ASAP2: variants seen among roughly 807,000 people sequenced by gnomAD.
ASAP2 encodes ArfGAP with SH3 domain, ankyrin repeat and PH domain 2.
ASAP2 carries 45 observed loss-of-function variants against 131.4 expected under a neutral mutation model. That is an observed-to-expected ratio of 0.34 (90% CI 0.27 to 0.44). ASAP2 has a LOEUF of 0.44. Ranked by LOEUF, ASAP2 falls within the 20% of genes least tolerant of loss-of-function variation. The pLI is 1.00. For synonymous variants in ASAP2, 510 were observed against 503.0 expected, an observed-to-expected ratio of 1.01 and a Z score of -0.19; for missense variants, 1,011 against 1,297.0, an observed-to-expected ratio of 0.78 and a Z score of 3.39.
intron 3 of ASAP2, among the ~76,000 whole-genome samples, chr2:9,307,682 T>C (rs1669035737): frequency 6.6e-6 from 1 of 152,214 alleles, no homozygotes; most frequent in African/African-American, 2.4e-5. Flanking sequence ...ATCAGAGCTG[T>C]TGACTGCCAG....
Position 9,356,235 on chromosome 2 carries a change from G to A in ASAP2, c.1217G>A (p.Gly406Glu). Residue 406 changes from glycine (G) to glutamate (E), a missense_variant, in exon 14 of 28, where the codon GGG becomes GAG. Physicochemically the swap from Gly to Glu is moderately conservative, Grantham distance 98. Around this residue, in one of 2 missense-constraint regions of ASAP2, gnomAD observed 359 missense variants for 598.1 expected, o/e 0.60. Transcript: ENST00000281419. ...KEEALNNAFK[G>E]DDNTGENNIV... ...GAAGCTTTAAACAATGCATTTAAGG[G>A]GGATGACAATACTGGAGAAAATAAC... 1.9e-6 allele frequency: 3 copies of A among 1,614,088 alleles called. No homozygotes were observed. Among genetic ancestry groups the A allele is most frequent in the Non-Finnish European group, 2.5e-6 (3 of 1,179,988 alleles).
At chr2:9,220,107 A>G (rs1662313112) in intron 1 of ASAP2, among the ~76,000 whole-genome samples, 1 of 152,182 alleles carries the variant, frequency 6.6e-6, no homozygotes, top group African/African-American at 2.4e-5. Context: ...TTCATTCATC[A>G]GTTGATGGAC....
intron 11 of ASAP2, among the ~76,000 whole-genome samples, chr2:9,349,316 A>G (rs1009857999): frequency 6.6e-6 from 1 of 152,186 alleles, no homozygotes; most frequent in Admixed American, 6.5e-5. Context: ...GCACGTGTAC[A>G]GTTGTGTCAT....
At chr2:9,338,751 G>A (rs1292123342) in intron 9 of ASAP2, among the ~76,000 whole-genome samples, 2 of 152,206 alleles carry the variant, frequency 1.3e-5, no homozygotes, top group African/African-American at 2.4e-5. Context: ...AAGCAATTGG[G>A]GTGCAGTGTA....
chr2:9,389,777 C>G lies in ASAP2; in HGVS notation c.2383+1231C>G, dbSNP rs866765178. 1.3e-4 allele frequency among the ~76,000 whole-genome samples: 20 copies of G among 152,290 alleles called. No individual in the cohort carries two copies. The highest frequency in any genetic ancestry group is 4.3e-4 in the African/African-American group (18 of 41,550). On this transcript the variant is annotated intron_variant, in intron 22 of 27. Transcript: ENST00000281419. This position sits in a 1 kb window ranked among gnomAD's most constrained non-coding sequence, Gnocchi z 4.7. ...TCCCCACACAGCCCACATCCCAGAC[C>G]GCGTCCATCCCTGGCTTGATGAGGA...
intron 12 of ASAP2, among the ~76,000 whole-genome samples, chr2:9,355,093 G>C (rs1672610589): frequency 1.3e-5 from 2 of 152,054 alleles, no homozygotes; most frequent in Admixed American, 6.6e-5. Flanking sequence ...AGTAGTCCGT[G>C]GTACATGTTA....
intron 3 of ASAP2, among the ~76,000 whole-genome samples, chr2:9,297,757 ACT>A (rs930041364): frequency 6.6e-6 from 1 of 151,872 alleles, no homozygotes; most frequent in Non-Finnish European, 1.5e-5. Context: ...TGTGTAGACT[ACT>A]CTCCTTCTGG....
At position 9,206,832 on chromosome 2, in the gene ASAP2, G is replaced by C. The variant is rs1185586415; in HGVS notation, c.-273G>C. The stretch of plus-strand genomic sequence containing the variant: ...CGGGTAGTTCCCGCCGGCTGTGCGC[G>C]CCCGCCTCGGGGCTCGCTCTGAGAG... On this transcript the variant is annotated 5_prime_UTR_variant, in exon 1 of 28. Transcript: ENST00000281419. This position sits in a 1 kb window ranked among gnomAD's most constrained non-coding sequence, Gnocchi z 4.0. 6.7e-6 allele frequency: 1 copy of C among 148,386 alleles called. No individual in the cohort carries two copies. Among genetic ancestry groups the C allele is most frequent in the Non-Finnish European group, 1.5e-5 (1 of 67,740 alleles). The allele number at this position is 148,386 out of a possible 1,614,324, so 9.2% of individuals were successfully genotyped here.
At chr2:9,213,548 G>C (rs540221353) in intron 1 of ASAP2, among the ~76,000 whole-genome samples, 1 of 152,244 alleles carries the variant, frequency 6.6e-6, no homozygotes, top group East Asian at 1.9e-4. Context: ...AGGAAAGAGG[G>C]AGACCAGTTG....
At chr2:9,387,643 G>T (rs894537051) in intron 21 of ASAP2, among the ~76,000 whole-genome samples, 3 of 152,208 alleles carry the variant, frequency 2.0e-5, no homozygotes, top group African/African-American at 7.2e-5. Context: ...GCTGACTTAG[G>T]TTGAGATAAC....
chr2:9,259,749 G>A (rs1184697085), intron 1 of ASAP2, among the ~76,000 whole-genome samples: 5 of 152,224 alleles, frequency 3.3e-5, no homozygotes, highest in East Asian at 3.8e-4. Flanking sequence ...GTGTTTTAGC[G>A]CAGAGATCTT....
chr2:9,247,853 A>G (rs1449565427), intron 1 of ASAP2, among the ~76,000 whole-genome samples: 2 of 152,206 alleles, frequency 1.3e-5, no homozygotes, highest in Non-Finnish European at 2.9e-5. Flanking sequence ...CAGCTGATCC[A>G]GGAAACTGCC....
chr2:9,393,380 CAATAAAA>C (rs1675865096), intron 23 of ASAP2, 95 bp from the exon 24 acceptor site: 1 of 1,044,482 alleles, frequency 9.6e-7, no homozygotes, highest in African/African-American at 1.7e-5. Context: ...TAGGAAATAG[CAATAAAA>C]AACTGAAGCC....
intron 5 of ASAP2, 134 bp downstream of exon 5, chr2:9,320,471 G>A (rs75388003): frequency 0.015 from 9,448 of 651,298 alleles, 107 homozygotes; most frequent in Non-Finnish European, 0.018. Context: ...ATGTTGCTGT[G>A]GTTCATTTTG....
At chr2:9,250,751 T>C (rs556813542) in intron 1 of ASAP2, among the ~76,000 whole-genome samples, 7 of 152,216 alleles carry the variant, frequency 4.6e-5, no homozygotes, top group Admixed American at 4.6e-4. Flanking sequence ...CCTGAGATGT[T>C]GCAGTCTTCC....
chr2:9,270,713 C>T (rs1005313729), intron 1 of ASAP2, among the ~76,000 whole-genome samples: 2 of 151,546 alleles, frequency 1.3e-5, no homozygotes, highest in Admixed American at 1.3e-4. Flanking sequence ...TCCCCACTTC[C>T]ACCCCACCTA....
In ASAP2 at chr2:9,254,527, A is replaced by ATTTTTTTTTT. The variant is rs546862626; in HGVS notation, c.127-24773_127-24764dup. The stretch of plus-strand genomic sequence containing the variant: ...ACCACTACCCCCAGCTAATTTTTGG[A>ATTTTTTTTTT]TTTTTTTTTTTTTTTTTTTTTTTTT... On this transcript the variant is annotated intron_variant, in intron 1 of 27. Transcript: ENST00000281419. 1.8e-4 allele frequency among the ~76,000 whole-genome samples: 5 copies of ATTTTTTTTTT among 28,012 alleles called. 1 individual carries two copies. The highest frequency in any genetic ancestry group is 5.1e-4 in the African/African-American group (4 of 7,782). The allele number at this position is 28,012 out of a possible 152,430, so 18.4% of individuals were successfully genotyped here.
chr2:9,265,956 T>A (rs934475245), intron 1 of ASAP2, among the ~76,000 whole-genome samples: 6 of 152,056 alleles, frequency 3.9e-5, no homozygotes, highest in African/African-American at 1.4e-4. Flanking sequence ...GTATTTTTAG[T>A]AGAAGCGGGG....
At chr2:9,317,715 T>C (rs141144910) in intron 3 of ASAP2, among the ~76,000 whole-genome samples, 4 of 146,076 alleles carry the variant, frequency 2.7e-5, no homozygotes, top group African/African-American at 1.0e-4. Flanking sequence ...CACACACCCA[T>C]ACACAATCAC....
Sources: allele counts gnomAD v4.1 joint callset (sites outside exome capture counted in the v4.1 genomes callset), GRCh38; gene constraint gnomAD v4.1.1; regional missense constraint gnomAD v4.1.1; non-coding constraint Gnocchi (gnomAD v3.1); transcripts MANE v1.5; gene names NCBI Gene and HGNC (gene_info 2026-07-23, HGNC 2026-07-21).